The following PRRC2B variants were observed in gnomAD, a reference collection of about 807,000 sequenced individuals.
PRRC2B encodes proline rich coiled-coil 2B.
A neutral mutation model predicts 242.3 loss-of-function variants in PRRC2B; 68 were observed. That is an observed-to-expected ratio of 0.28 (90% CI 0.23 to 0.34). The LOEUF (loss-of-function observed/expected upper bound fraction) is 0.34. Ranked by LOEUF, PRRC2B falls within the 10% of genes least tolerant of loss-of-function variation. PRRC2B has a pLI of 1.00. For synonymous variants in PRRC2B, 1,228 were observed against 1,173.6 expected (o/e 1.05, Z -0.95); for missense variants, 2,835 against 2,954.8 (o/e 0.96, Z 0.94).
At chr9:131,467,018 G>T (rs1320281909) in intron 12 of PRRC2B, among the ~76,000 whole-genome samples, 1 of 152,020 alleles carries the variant, frequency 6.6e-6, no homozygotes, top group African/African-American at 2.4e-5. Context: ...AGCCAGGATG[G>T]TCTGTATCTC....
At chr9:131,410,741 T>C (rs919350050) in intron 1 of PRRC2B, among the ~76,000 whole-genome samples, 13 of 152,194 alleles carry the variant, frequency 8.5e-5, no homozygotes, top group African/African-American at 3.1e-4. Flanking sequence ...TTTTTCCTTG[T>C]GGACCTCACC....
intron 5 of PRRC2B, among the ~76,000 whole-genome samples, chr9:131,441,874 A>G (rs1300838996): frequency 1.3e-5 from 2 of 152,194 alleles, no homozygotes; most frequent in East Asian, 1.9e-4. Flanking sequence ...TGACCTCGGA[A>G]GAAGCCCCCT....
Position 131,483,343 on chromosome 9 carries a change from T to A in PRRC2B, c.5374-16T>A, listed in dbSNP as rs1345816049. The A allele has an allele frequency of 6.2e-7, 1 of 1,611,824 alleles. No individual in the cohort carries two copies. The highest frequency in any genetic ancestry group is 8.5e-7 in the Non-Finnish European group (1 of 1,178,024). ...GAGGATCTCAGTGGGCTGTGTGGCC[T>A]TTTTTATTTTTTCAGGACTCCGATT... On this transcript the variant is annotated splice_polypyrimidine_tract_variant and intron_variant, in intron 22 of 31. Coordinates refer to ENST00000683519, the MANE Select transcript of PRRC2B (RefSeq NM_013318.4).
intron 1 of PRRC2B, among the ~76,000 whole-genome samples, chr9:131,404,551 A>G (rs138373695): frequency 2.5e-3 from 373 of 150,656 alleles, no homozygotes; most frequent in African/African-American, 8.7e-3. Context: ...AGAAAATTCA[A>G]GTTGCTCAGG....
chr9:131,452,504 T>G (rs540939756), intron 9 of PRRC2B, among the ~76,000 whole-genome samples: 4 of 152,334 alleles, frequency 2.6e-5, no homozygotes, highest in East Asian at 1.9e-4. Flanking sequence ...ATTATTAACA[T>G]AAAGTTGTTG....
chr9:131,393,818 C>T (rs961277990), upstream of PRRC2B, among the ~76,000 whole-genome samples: 2 of 151,686 alleles, frequency 1.3e-5, no homozygotes, highest in Non-Finnish European at 3.0e-5. Flanking sequence ...CCCCGCTCTG[C>T]CCCGTTCTCT....
chr9:131,414,963 G>A (rs1394321795), intron 1 of PRRC2B, among the ~76,000 whole-genome samples: 1 of 152,066 alleles, frequency 6.6e-6, no homozygotes, highest in Non-Finnish European at 1.5e-5. Context: ...GTATTGGTTG[G>A]ATAATTTGGA....
Position 131,481,655 on chromosome 9 carries a change from C to G in PRRC2B, c.4901-71C>G, listed in dbSNP as rs561362936. 2.6e-4 allele frequency: 331 copies of G among 1,254,678 alleles called. 1 individual carries two copies. The African/African-American group carries it at 4.3e-3, about 16-fold the overall frequency. The allele number at this position is 1,254,678 out of a possible 1,614,324, so 77.7% of individuals were successfully genotyped here. A position where few individuals can be genotyped will look rare whatever the true frequency, so the allele number is the denominator to read the frequency against. The stretch of plus-strand genomic sequence containing the variant: ...TCTGCAAGCTGTGCCTGTGCTTGTT[C>G]TTTAAGAGCTCATAAACTCTCTAGA... On this transcript the variant is annotated intron_variant, in intron 19 of 31. Coordinates refer to ENST00000683519, the MANE Select transcript of PRRC2B (RefSeq NM_013318.4).
chr9:131,470,998 C>G lies in PRRC2B; in HGVS notation c.2107+15C>G. On this transcript the variant is annotated intron_variant, in intron 14 of 31. Transcript: ENST00000683519. ...GCATCCCTCAGGTAAGCACTGTGGT[C>G]TGACGGTCCATACCTGTATCACCCA... The G allele has an allele frequency of 6.3e-7, 1 of 1,593,092 alleles. No individual in the cohort carries two copies. The highest frequency in any genetic ancestry group is 8.6e-7 in the Non-Finnish European group (1 of 1,165,498).
intron 1 of PRRC2B, among the ~76,000 whole-genome samples, chr9:131,398,662 C>T (rs550239251): frequency 1.3e-5 from 2 of 152,280 alleles, no homozygotes; most frequent in African/African-American, 2.4e-5. Flanking sequence ...ATTTGCCAGG[C>T]ATTGTACAAG....
chr9:131,450,197 C>G (rs537961380), intron 9 of PRRC2B, among the ~76,000 whole-genome samples: 1 of 152,214 alleles, frequency 6.6e-6, no homozygotes, highest in South Asian at 2.1e-4. Context: ...TCAGTATTTA[C>G]AAAGGGCCTG....
chr9:131,416,730 C>T (rs1588241539), intron 1 of PRRC2B, among the ~76,000 whole-genome samples: 1 of 151,564 alleles, frequency 6.6e-6, no homozygotes, highest in African/African-American at 2.4e-5. Context: ...TTGAGGCATA[C>T]CGATCAGATA....
intron 16 of PRRC2B, among the ~76,000 whole-genome samples, chr9:131,477,266 T>C (rs1943731089): frequency 6.6e-6 from 1 of 152,052 alleles, no homozygotes; most frequent in Non-Finnish European, 1.5e-5. Flanking sequence ...CCACTCTCCT[T>C]AGAATTCAAG....
In PRRC2B at chr9:131,482,448, G is replaced by T. The variant is rs374019012; in HGVS notation, c.5061G>T (p.Ser1687=). The change falls in exon 21 of 32, where the codon TCG becomes TCT. Residue 1687 remains serine, a synonymous_variant. Coordinates refer to ENST00000683519, the MANE Select transcript of PRRC2B (RefSeq NM_013318.4). This position sits in a 1 kb window ranked among gnomAD's most constrained non-coding sequence, Gnocchi z 5.2. ...AESRESSATS[S]QRSSPYGTLK... ...CTCGGGAGTCGTCTGCGACCTCCTC[G>T]CAGCGCAGCTCCCCATATGGGACTC... is the stretch of plus-strand genomic sequence containing the variant. 6.2e-7 allele frequency: 1 copy of T among 1,608,876 alleles called. No individual in the cohort carries two copies. Among genetic ancestry groups the T allele is most frequent in the African/African-American group, 1.3e-5 (1 of 74,850 alleles).
intron 5 of PRRC2B, among the ~76,000 whole-genome samples, chr9:131,440,835 G>GACATGGTGACCC (rs71372732): frequency 6.6e-6 from 1 of 152,128 alleles, no homozygotes; most frequent in Non-Finnish European, 1.5e-5. Context: ...GTGAGGGCTG[G>GACATGGTGACCC]ACACCTGTAA....
chr9:131,396,752 A>G (rs1179179125), intron 1 of PRRC2B, among the ~76,000 whole-genome samples: 1 of 151,866 alleles, frequency 6.6e-6, no homozygotes. Context: ...TGGAAGCACC[A>G]GAATGGCTTA....
At chr9:131,415,910 C>G (rs957684082) in intron 1 of PRRC2B, among the ~76,000 whole-genome samples, 3 of 152,072 alleles carry the variant, frequency 2.0e-5, no homozygotes, top group Non-Finnish European at 4.4e-5. Context: ...ACTCTGGGAA[C>G]TATTTTTGGC....
chr9:131,441,704 C>T (rs1196017619), intron 5 of PRRC2B, among the ~76,000 whole-genome samples: 1 of 152,134 alleles, frequency 6.6e-6, no homozygotes, highest in Non-Finnish European at 1.5e-5. Flanking sequence ...GTGTTGCCCA[C>T]AAGTGTTTTC....
Position 131,485,973 on chromosome 9 carries a change from T to G in PRRC2B, c.5759-112T>G, listed in dbSNP as rs1037609970. The G allele has an allele frequency of 3.1e-5, 24 of 784,058 alleles. No homozygotes were observed. In the Admixed American group the frequency reaches 4.8e-4, roughly 16 times the overall value. 48.6% of individuals were successfully genotyped at this position (784,058 alleles called of 1,614,324 possible). Reference sequence around the variant, plus strand: ...AGCAGCCTCTGTACACACGCCCTCGTCCCCACTGAGTCCCCTGGGTAGAGC... The same window carrying G: ...AGCAGCCTCTGTACACACGCCCTCGGCCCCACTGAGTCCCCTGGGTAGAGC... On this transcript the variant is annotated intron_variant, in intron 25 of 31. Transcript: ENST00000683519.
Sources: allele counts gnomAD v4.1 joint callset (sites outside exome capture counted in the v4.1 genomes callset), GRCh38; gene constraint gnomAD v4.1.1; non-coding constraint Gnocchi (gnomAD v3.1); transcripts MANE v1.5; gene names NCBI Gene and HGNC (gene_info 2026-07-23, HGNC 2026-07-21).